IQGAP2: variants seen among roughly 807,000 people sequenced by gnomAD.
The protein encoded by IQGAP2 is ras GTPase-activating-like protein IQGAP2.
Under a neutral mutation model 201.3 loss-of-function variants are expected in IQGAP2, and 173 were observed. The observed-to-expected ratio is 0.86, with a 90% CI of 0.76 to 0.98. The LOEUF (loss-of-function observed/expected upper bound fraction) is 0.98, where lower values mean the gene tolerates loss of function less well. Ranked by LOEUF, IQGAP2 falls within the 50% of genes least tolerant of loss-of-function variation. The pLI, the probability that IQGAP2 is intolerant of heterozygous loss-of-function variation, is 0.00. For synonymous variants in IQGAP2, 675 were observed against 673.9 expected (o/e 1.00, Z -0.03); for missense variants, 1,687 against 1,864.8 (o/e 0.90, Z 1.76).
At chr5:76,615,093 T>C (rs995497123) in intron 13 of IQGAP2, among the ~76,000 whole-genome samples, 1 of 152,224 alleles carries the variant, frequency 6.6e-6, no homozygotes, top group Admixed American at 6.5e-5. Flanking sequence ...ATGTTGACTT[T>C]AACACTTTTT....
chr5:76,593,074 A>T, intron 9 of IQGAP2, 149 bp downstream of exon 9: 1 of 638,190 alleles, frequency 1.6e-6, no homozygotes, highest in Non-Finnish European at 2.8e-6. Flanking sequence ...GCTCTTAATT[A>T]TGGTGCAGCA....
intron 1 of IQGAP2, among the ~76,000 whole-genome samples, chr5:76,418,139 G>A (rs1380413165): frequency 6.6e-6 from 1 of 150,628 alleles, no homozygotes; most frequent in Non-Finnish European, 1.5e-5. Context: ...CGTGGGAGGC[G>A]GAGGTTGCAG....
intron 2 of IQGAP2, among the ~76,000 whole-genome samples, chr5:76,530,279 C>T (rs1053630629): frequency 2.0e-5 from 3 of 152,182 alleles, no homozygotes; most frequent in African/African-American, 7.2e-5. Flanking sequence ...CCTTGACCCA[C>T]AGGCTGTATG....
At chr5:76,561,399 G>A (rs1424820407) in intron 2 of IQGAP2, among the ~76,000 whole-genome samples, 2 of 152,170 alleles carry the variant, frequency 1.3e-5, no homozygotes, top group Non-Finnish European at 1.5e-5. Flanking sequence ...GTTAATATTG[G>A]GGCACGGTGC....
At chr5:76,517,442 A>G (rs1758398116) in intron 2 of IQGAP2, among the ~76,000 whole-genome samples, 1 of 152,106 alleles carries the variant, frequency 6.6e-6, no homozygotes, top group Non-Finnish European at 1.5e-5. Context: ...TTACATTCTA[A>G]TGTTCTATTT....
chr5:76,535,657 A>G (rs1759580814), intron 2 of IQGAP2, among the ~76,000 whole-genome samples: 1 of 152,190 alleles, frequency 6.6e-6, no homozygotes, highest in Non-Finnish European at 1.5e-5. Context: ...AAAAAGGCTG[A>G]TGATGACTCC....
At chr5:76,520,204 T>C (rs1464078514) in intron 2 of IQGAP2, among the ~76,000 whole-genome samples, 3 of 152,162 alleles carry the variant, frequency 2.0e-5, no homozygotes, top group African/African-American at 7.2e-5. Context: ...TTAATTTTTA[T>C]ATAAGATGTA....
intron 2 of IQGAP2, among the ~76,000 whole-genome samples, chr5:76,526,816 T>C (rs1759002331): frequency 6.6e-6 from 1 of 152,214 alleles, no homozygotes; most frequent in African/African-American, 2.4e-5. Flanking sequence ...GTGATAATAG[T>C]CTAGTTTTAT....
chr5:76,678,036 A>T (rs550382224), intron 28 of IQGAP2, among the ~76,000 whole-genome samples: 1 of 152,328 alleles, frequency 6.6e-6, no homozygotes, highest in South Asian at 2.1e-4. Flanking sequence ...AAGCTATGCT[A>T]TGTAGACCTA....
chr5:76,417,679 TG>T (rs1751489329), intron 1 of IQGAP2, among the ~76,000 whole-genome samples: 1 of 152,062 alleles, frequency 6.6e-6, no homozygotes, highest in African/African-American at 2.4e-5. Flanking sequence ...CTCCTGGGCT[TG>T]GGCCATTCTC....
chr5:76,641,298 A>G (rs954859946), intron 17 of IQGAP2, among the ~76,000 whole-genome samples, 195 bp downstream of exon 17: 1 of 152,182 alleles, frequency 6.6e-6, no homozygotes, highest in African/African-American at 2.4e-5. Flanking sequence ...GACTTAACCT[A>G]TGGTCTTCTA....
At chr5:76,571,398 G>A (rs1339190299) in intron 4 of IQGAP2, among the ~76,000 whole-genome samples, 1 of 151,964 alleles carries the variant, frequency 6.6e-6, no homozygotes, top group African/African-American at 2.4e-5. Flanking sequence ...CGGCCAGGCT[G>A]GTCTCAGTCT....
chr5:76,683,247 T>G, intron 29 of IQGAP2, 30 bp downstream of exon 29: 1 of 1,523,762 alleles, frequency 6.6e-7, no homozygotes, highest in South Asian at 1.2e-5. Context: ...ACTTATCCCT[T>G]GGTTTTTGTT....
intron 3 of IQGAP2, among the ~76,000 whole-genome samples, chr5:76,570,145 C>T (rs1438127495): frequency 6.6e-6 from 1 of 152,044 alleles, no homozygotes; most frequent in African/African-American, 2.4e-5. Flanking sequence ...ATATTCTATT[C>T]ATGATTAGAA....
intron 20 of IQGAP2, among the ~76,000 whole-genome samples, chr5:76,656,776 A>G (rs1742774850): frequency 6.6e-6 from 1 of 152,176 alleles, no homozygotes; most frequent in Admixed American, 6.5e-5. Context: ...TGAGTGAGTT[A>G]GATCTAAGCT....
At chr5:76,608,599 G>A (rs3797389) in intron 12 of IQGAP2, among the ~76,000 whole-genome samples, 37,695 of 152,102 alleles carry the variant, frequency 0.25, 4,953 homozygotes, top group South Asian at 0.47. Flanking sequence ...CACATGCTCT[G>A]AGATCTAATT....
intron 28 of IQGAP2, among the ~76,000 whole-genome samples, chr5:76,677,789 G>A (rs535701271): frequency 2.2e-4 from 34 of 152,042 alleles, no homozygotes; most frequent in Non-Finnish European, 3.8e-4. Flanking sequence ...AAAACTAGCC[G>A]GGTTTGGTGG....
At chr5:76,581,641 CTAT>C (rs1332441090) in intron 5 of IQGAP2, among the ~76,000 whole-genome samples, 15 of 152,156 alleles carry the variant, frequency 9.9e-5, no homozygotes, top group African/African-American at 3.6e-4. Flanking sequence ...AGCTTACGTG[CTAT>C]TGATTCCAAG....
intron 1 of IQGAP2, among the ~76,000 whole-genome samples, chr5:76,460,558 T>C (rs1443777948): frequency 6.6e-6 from 1 of 151,012 alleles, no homozygotes; most frequent in Non-Finnish European, 1.5e-5. Flanking sequence ...CTGAGAGTTT[T>C]ATGGGAGAGA....
Sources: gnomAD v4.1 joint callset for allele counts (sites outside exome capture counted in the v4.1 genomes callset) on GRCh38, gnomAD v4.1.1 for gene constraint, MANE v1.5 for transcripts, NCBI Gene and HGNC (gene_info 2026-07-23, HGNC 2026-07-21) for gene names.